The following ILDR2 variants were observed in gnomAD, a reference collection of about 807,000 sequenced individuals.
ILDR2 encodes immunoglobulin like domain containing receptor 2.
In ILDR2, 25 loss-of-function variants were observed where a neutral mutation model predicts 66.8. The ratio of observed to expected loss-of-function variants is 0.37; its 90% CI spans 0.27 to 0.52. ILDR2 has a LOEUF of 0.52. Among genes scored for constraint, ILDR2 ranks in the 20% least tolerant of loss-of-function variants. The pLI, the probability that ILDR2 is intolerant of heterozygous loss-of-function variation, is 0.88. For synonymous variants in ILDR2, 367 were observed against 357.2 expected, an observed-to-expected ratio of 1.03 and a Z score of -0.31; for missense variants, 827 against 876.8, an observed-to-expected ratio of 0.94 and a Z score of 0.72.
In ILDR2 at chr1:166,908,190, C is replaced by T. The variant is rs1659383980; in HGVS notation, c.*11165G>A. The stretch of plus-strand genomic sequence containing the variant: ...AACAAAAATACCATAGACTAGGTGG[C>T]TTAAATATCAGAAATTTATTTCTCA... On this transcript the variant is annotated 3_prime_UTR_variant, in exon 10 of 10. Coordinates refer to ENST00000271417, the MANE Select transcript of ILDR2 (RefSeq NM_199351.3). 2 of 152,204 alleles carry T rather than the reference C, an allele frequency of 1.3e-5. No homozygotes were observed. The highest frequency in any genetic ancestry group is 2.9e-5 in the Non-Finnish European group (2 of 68,050). The allele number at this position is 152,204 out of a possible 1,614,324, so 9.4% of individuals were successfully genotyped here.
chr1:166,908,146 AG>A (rs1659382943), downstream of ILDR2: 1 of 152,230 alleles, frequency 6.6e-6, no homozygotes, highest in Non-Finnish European at 1.5e-5. Flanking sequence ...TAGGTGTCTT[AG>A]TCACTTCAGG....
intron 1 of ILDR2, among the ~76,000 whole-genome samples, chr1:166,972,522 A>G (rs1372190839): frequency 6.6e-6 from 1 of 152,234 alleles, no homozygotes; most frequent in Non-Finnish European, 1.5e-5. Context: ...ACAATAACAA[A>G]ACCAATATAT....
Position 166,975,238 on chromosome 1 carries a change from G to A in ILDR2, c.31C>T (p.Leu11Phe). 1 of 1,613,252 alleles carries A rather than the reference G, an allele frequency of 6.2e-7. No individual in the cohort carries two copies. The highest frequency in any genetic ancestry group is 8.5e-7 in the Non-Finnish European group (1 of 1,179,360). ...GGACTCTTACCTGTTAGCCAGAAGA[G>A]AGAAATCCACCTCAGCAAGACCCTA... MDRVLLRWIS[L>F]FWLTAMVEGL... The change falls in exon 1 of 10, where the codon CTC becomes TTC. Residue 11 changes from leucine (L) to phenylalanine (F), a missense_variant. Around this residue, in one of 2 missense-constraint regions of ILDR2, gnomAD observed 437 missense variants for 523.2 expected, o/e 0.84. Transcript: ENST00000271417.
chr1:166,922,519 C>T (rs961919333), intron 8 of ILDR2, 74 bp downstream of exon 8: 1 of 1,198,732 alleles, frequency 8.3e-7, no homozygotes, highest in African/African-American at 1.5e-5. Flanking sequence ...TGGCATCTTC[C>T]TTGCCTCCGA....
chr1:166,921,084 T>C lies in ILDR2; in HGVS notation c.1507A>G (p.Arg503Gly), dbSNP rs1452691174. The C allele has an allele frequency of 6.7e-7, 1 of 1,492,212 alleles. No homozygotes were observed. The highest frequency in any genetic ancestry group is 8.8e-7 in the Non-Finnish European group (1 of 1,130,260). 92.4% of individuals were successfully genotyped at this position (1,492,212 alleles called of 1,614,324 possible). ...GGCAGGTGCGCGTCCTCGGCGGGTC[T>C]GCGGCGCGCGGGGCTGAAGGCCCAG... ...RGWAFSPARR[R>G]PAEDAHLPRL... is the part of the protein sequence containing the mutation. Residue 503 changes from arginine (R) to glycine (G), a missense_variant, in exon 9 of 10, where the codon AGA (arginine) becomes GGA (glycine). Around this residue, in one of 2 missense-constraint regions of ILDR2, gnomAD observed 390 missense variants for 353.6 expected, o/e 1.10. Transcript: ENST00000271417. The surrounding 1 kb of genome is among the most constrained non-coding windows in gnomAD (Gnocchi z 5.3).
chr1:166,941,478 CCT>C (rs1461572422), intron 3 of ILDR2, among the ~76,000 whole-genome samples: 1 of 152,162 alleles, frequency 6.6e-6, no homozygotes, highest in Non-Finnish European at 1.5e-5. Context: ...GCATTGGTCT[CCT>C]CTGAGTGTTC....
intron 2 of ILDR2, among the ~76,000 whole-genome samples, chr1:166,897,025 T>C (rs1215646786): frequency 6.6e-6 from 1 of 152,234 alleles, no homozygotes; most frequent in Non-Finnish European, 1.5e-5. Flanking sequence ...ATTGCTGCTA[T>C]ACGCAATTGG....
At chr1:166,946,124 T>A (rs1278988265) in intron 3 of ILDR2, among the ~76,000 whole-genome samples, 1 of 152,228 alleles carries the variant, frequency 6.6e-6, no homozygotes, top group Non-Finnish European at 1.5e-5. Flanking sequence ...TCTATGGCTA[T>A]GCTTTTAAGT....
chr1:166,913,461 A>C lies in ILDR2; in HGVS notation c.*5894T>G, dbSNP rs779974577. 1.3e-5 allele frequency: 2 copies of C among 152,182 alleles called. No homozygotes were observed. The highest frequency in any genetic ancestry group is 2.9e-5 in the Non-Finnish European group (2 of 68,034). 9.4% of individuals were successfully genotyped at this position (152,182 alleles called of 1,614,324 possible). A position where few individuals can be genotyped will look rare whatever the true frequency, so the allele number is the denominator to read the frequency against. On this transcript the variant is annotated 3_prime_UTR_variant, in exon 10 of 10. Transcript: ENST00000271417. ...TCGTGTCTAATACTTTTGTTAATAA[A>C]ATGGCTTTTCCTTAAAGCCAAGGTA...
At position 166,935,150 on chromosome 1, in the gene ILDR2, A is replaced by G. The variant is rs570992815; in HGVS notation, c.880+151T>C. On this transcript the variant is annotated intron_variant, in intron 6 of 9. Transcript: ENST00000271417. The stretch of plus-strand genomic sequence containing the variant: ...TTGGAAAGCATGAATGTACCCTAAA[A>G]GATATCTGACATAGCTGGAAGGATC... 2.5e-4 allele frequency: 200 copies of G among 786,288 alleles called. 1 individual carries two copies. Among genetic ancestry groups the G allele is most frequent in the Admixed American group, 1.3e-3 (50 of 39,386 alleles). 48.7% of individuals were successfully genotyped at this position (786,288 alleles called of 1,614,324 possible). A position where few individuals can be genotyped will look rare whatever the true frequency, so the allele number is the denominator to read the frequency against.
chr1:166,939,064 G>C (rs151161680), intron 4 of ILDR2, among the ~76,000 whole-genome samples: 1 of 152,284 alleles, frequency 6.6e-6, no homozygotes, highest in East Asian at 1.9e-4. Flanking sequence ...GGGGTACATA[G>C]CTTTCCTAAG....
In ILDR2 at chr1:166,956,775, G is replaced by C; in HGVS notation, c.457C>G (p.Leu153Val). The C allele has an allele frequency of 6.2e-7, 1 of 1,613,972 alleles. No homozygotes were observed. Among genetic ancestry groups the C allele is most frequent in the Non-Finnish European group, 8.5e-7 (1 of 1,179,904 alleles). The part of the protein sequence containing the change: ...YYCIITTPDD[L>V]EGKNEDSVEL... Reference sequence around the variant, plus strand: ...ACTGAGTCCTCATTTTTCCCCTCCAGGTCATCTGGGGTGGTGATAATACAG... The same window carrying C: ...ACTGAGTCCTCATTTTTCCCCTCCACGTCATCTGGGGTGGTGATAATACAG... Residue 153 changes from leucine (L) to valine (V), a missense_variant, in exon 3 of 10, where the codon CTG (leucine) becomes GTG (valine). Leu to Val is a conservative substitution (Grantham distance 32). Coordinates refer to ENST00000271417, the MANE Select transcript of ILDR2 (RefSeq NM_199351.3).
chr1:166,922,581 C>T lies in ILDR2; in HGVS notation c.1211+12G>A. ...CCTCACACCGACCAGACCTGCCCCT[C>T]ACAGCCATCACCTGTGCCTGAAGCT... is the stretch of plus-strand genomic sequence containing the variant. On this transcript the variant is annotated intron_variant, in intron 8 of 9. Coordinates refer to ENST00000271417, the MANE Select transcript of ILDR2 (RefSeq NM_199351.3). The T allele has an allele frequency of 6.2e-7, 1 of 1,612,204 alleles. No homozygotes were observed. The highest frequency in any genetic ancestry group is 8.5e-7 in the Non-Finnish European group (1 of 1,179,122).
chr1:166,947,679 T>G (rs1304859860), intron 3 of ILDR2, among the ~76,000 whole-genome samples: 1 of 151,912 alleles, frequency 6.6e-6, no homozygotes, highest in Non-Finnish European at 1.5e-5. Context: ...CCTCCCCCGC[T>G]CGGGCCGGCG....
At chr1:166,961,686 A>G (rs1662628296) in intron 1 of ILDR2, among the ~76,000 whole-genome samples, 1 of 152,214 alleles carries the variant, frequency 6.6e-6, no homozygotes, top group South Asian at 2.1e-4. Flanking sequence ...GTATACAGTG[A>G]GCATTCAATA....
rs1428761513 is a variant in ILDR2 at position 166,975,527 on chromosome 1, G to C, written c.-259C>G. 3 of 147,304 alleles carry C rather than the reference G, an allele frequency of 2.0e-5. No individual in the cohort carries two copies. The highest frequency in any genetic ancestry group is 4.5e-5 in the Non-Finnish European group (3 of 66,250). The allele number at this position is 147,304 out of a possible 1,614,324, so 9.1% of individuals were successfully genotyped here. ...TCCGCATGCCCAGGCAGCGCGGCACGGGGCGAGCGTCTCCCCGCCGCAGAG... is the reference window on the plus strand; with the variant it reads ...TCCGCATGCCCAGGCAGCGCGGCACCGGGCGAGCGTCTCCCCGCCGCAGAG... On this transcript the variant is annotated 5_prime_UTR_variant, in exon 1 of 10. Coordinates refer to ENST00000271417, the MANE Select transcript of ILDR2 (RefSeq NM_199351.3).
chr1:166,920,323 G>A (rs1350188541), intron 9 of ILDR2, among the ~76,000 whole-genome samples: 1 of 152,136 alleles, frequency 6.6e-6, no homozygotes, highest in Non-Finnish European at 1.5e-5. Flanking sequence ...AGGATGCATC[G>A]AAGATTCTGC....
chr1:166,951,563 T>C (rs966739676), intron 3 of ILDR2, among the ~76,000 whole-genome samples: 2 of 152,238 alleles, frequency 1.3e-5, no homozygotes, highest in Non-Finnish European at 2.9e-5. Flanking sequence ...CTTTAGGAGA[T>C]ACTTTCTTTT....
rs368620410 is a variant in ILDR2 at position 166,922,611 on chromosome 1, C to A, written c.1193G>T (p.Arg398Leu). 2 of 1,613,822 alleles carry A rather than the reference C, an allele frequency of 1.2e-6. No homozygotes were observed. The highest frequency in any genetic ancestry group is 2.7e-5 in the African/African-American group (2 of 74,890). ...CCATCACCTGTGCCTGAAGCTCTCT[C>A]GATCCTCTTTGTTATACTCCATGGC... is the stretch of plus-strand genomic sequence containing the variant. ...PSAMEYNKED[R>L]ESFRHSQPRS... Residue 398 changes from arginine to leucine, a missense_variant, in exon 8 of 10, where the codon CGA becomes CTA. By Grantham distance (102) the Arg-to-Leu change is moderately radical. Coordinates refer to ENST00000271417, the MANE Select transcript of ILDR2 (RefSeq NM_199351.3).
Sources: allele counts gnomAD v4.1 joint callset (sites outside exome capture counted in the v4.1 genomes callset), GRCh38; gene constraint gnomAD v4.1.1; regional missense constraint gnomAD v4.1.1; non-coding constraint Gnocchi (gnomAD v3.1); transcripts MANE v1.5; gene names NCBI Gene and HGNC (gene_info 2026-07-23, HGNC 2026-07-21).